Variants in BIRC6 observed in about 807,000 individuals in gnomAD.
The protein encoded by BIRC6 is dual E2 ubiquitin-conjugating enzyme/E3 ubiquitin-protein ligase BIRC6.
In BIRC6, 98 loss-of-function variants were observed where a neutral mutation model predicts 503.3. The observed-to-expected ratio is 0.19, with a 90% CI of 0.17 to 0.23. The LOEUF (loss-of-function observed/expected upper bound fraction) is 0.23, where lower values mean the gene tolerates loss of function less well. BIRC6 is among the 10% of genes least tolerant of loss of function. The pLI is 1.00. For missense variants in BIRC6, 5,360 were observed against 5,806.0 expected, an observed-to-expected ratio of 0.92 and a Z score of 2.50; for synonymous variants, 2,240 against 2,078.7, an observed-to-expected ratio of 1.08 and a Z score of -2.11.
chr2:32,616,638 T>A (rs2063264530), intron 73 of BIRC6, among the ~76,000 whole-genome samples: 1 of 151,580 alleles, frequency 6.6e-6, no homozygotes. Flanking sequence ...AGTGGGAAAA[T>A]TAGTGTGAAC....
At chr2:32,428,544 AT>A (rs2147899669) in intron 10 of BIRC6, among the ~76,000 whole-genome samples, 1 of 152,226 alleles carries the variant, frequency 6.6e-6, no homozygotes, top group African/African-American at 2.4e-5. Context: ...CAGGAAGGGG[AT>A]TTATCATCTT....
chr2:32,448,795 A>G lies in BIRC6; in HGVS notation c.4485A>G (p.Arg1495=). 2 of 1,592,166 alleles carry G rather than the reference A, an allele frequency of 1.3e-6. No individual in the cohort carries two copies. The highest frequency in any genetic ancestry group is 1.7e-6 in the Non-Finnish European group (2 of 1,174,246). The change falls in exon 22 of 74, where the codon AGA becomes AGG. Residue 1495 remains arginine (R), a splice_region_variant and synonymous_variant. Coordinates refer to ENST00000421745, the MANE Select transcript of BIRC6 (RefSeq NM_016252.4). ...LTPMEALLQT[R]YGLYSSPFDP... ...GTTAGTGCATTATTTTATTTTTCAGATATGGATTATATAGCTCACCATTTG... is the reference window on the plus strand; with the variant it reads ...GTTAGTGCATTATTTTATTTTTCAGGTATGGATTATATAGCTCACCATTTG...
chr2:32,599,652 G>T, intron 69 of BIRC6, 87 bp from the exon 70 acceptor site: 1 of 1,403,932 alleles, frequency 7.1e-7, no homozygotes, highest in Non-Finnish European at 9.8e-7. Flanking sequence ...AACGAAGGTT[G>T]TTCTTATTTC....
intron 12 of BIRC6, among the ~76,000 whole-genome samples, chr2:32,433,017 T>C (rs755732575): frequency 6.6e-6 from 1 of 152,134 alleles, no homozygotes; most frequent in Non-Finnish European, 1.5e-5. Flanking sequence ...AGATTCTGGA[T>C]ATAATTTGGA....
intron 1 of BIRC6, among the ~76,000 whole-genome samples, chr2:32,365,926 C>T (rs942427481): frequency 1.3e-5 from 2 of 150,938 alleles, no homozygotes; most frequent in Admixed American, 6.6e-5. Flanking sequence ...GCTCTGTTGC[C>T]CAGGCTGGAG....
chr2:32,446,965 T>C (rs575838711), intron 21 of BIRC6, among the ~76,000 whole-genome samples: 1 of 108,472 alleles, frequency 9.2e-6, no homozygotes, highest in Admixed American at 9.9e-5. Context: ...TTAACGAGCA[T>C]GCTGCCTTCA....
At chr2:32,447,413 G>A (rs1292847555) in intron 21 of BIRC6, among the ~76,000 whole-genome samples, 12 of 148,960 alleles carry the variant, frequency 8.1e-5, no homozygotes, top group Admixed American at 2.0e-4. Context: ...CGGACGGGGC[G>A]GCTGGCCGGG....
intron 20 of BIRC6, among the ~76,000 whole-genome samples, chr2:32,444,646 G>T (rs1288025580): frequency 6.6e-6 from 1 of 152,116 alleles, no homozygotes; most frequent in African/African-American, 2.4e-5. Flanking sequence ...AGCACTTCGG[G>T]AGGCCATGGA....
chr2:32,609,480 C>T (rs2062707178), intron 72 of BIRC6, among the ~76,000 whole-genome samples: 2 of 152,002 alleles, frequency 1.3e-5, no homozygotes, highest in Admixed American at 1.3e-4. Context: ...TTAAATTGTG[C>T]TGGAAAGTTA....
rs2061928313 is a variant in BIRC6, at chr2:32,599,728, T to C, written c.13831-11T>C. ...GTTAACATAGACTTTTGTATGTTTATATATATCCAGGTTCTAATAACTGGT... is the reference window on the plus strand; with the variant it reads ...GTTAACATAGACTTTTGTATGTTTACATATATCCAGGTTCTAATAACTGGT... On this transcript the variant is annotated splice_polypyrimidine_tract_variant and intron_variant, in intron 69 of 73. Transcript: ENST00000421745. 7 of 1,609,984 alleles carry C rather than the reference T, an allele frequency of 4.3e-6. No individual in the cohort carries two copies. Among genetic ancestry groups the C allele is most frequent in the Non-Finnish European group, 5.9e-6 (7 of 1,176,484 alleles).
At chr2:32,421,536 T>G (rs796414538) in intron 10 of BIRC6, among the ~76,000 whole-genome samples, 12 of 152,312 alleles carry the variant, frequency 7.9e-5, no homozygotes, top group African/African-American at 2.9e-4. Context: ...TGTTTTTCCT[T>G]TTTTTCATTT....
At position 32,469,604 on chromosome 2, in the gene BIRC6, C is replaced by A; in HGVS notation, c.6337C>A (p.Pro2113Thr). Residue 2113 changes from proline (P) to threonine (T), a missense_variant, in exon 30 of 74, where the codon CCA (proline) becomes ACA (threonine). By Grantham distance (38) the Pro-to-Thr change is conservative. Transcript: ENST00000421745. Reference sequence around the variant, plus strand: ...CAATTCGGAACAGCTTCTCATCTTTCCACAGGATAGGTAGGTCAGAAAATG... The same window carrying A: ...CAATTCGGAACAGCTTCTCATCTTTACACAGGATAGGTAGGTCAGAAAATG... The part of the protein sequence containing the change: ...LYNSEQLLIF[P>T]QDRVFMLLSC... The A allele has an allele frequency of 6.2e-7, 1 of 1,612,018 alleles. No individual in the cohort carries two copies. Among genetic ancestry groups the A allele is most frequent in the Non-Finnish European group, 8.5e-7 (1 of 1,178,422 alleles).
intron 71 of BIRC6, among the ~76,000 whole-genome samples, chr2:32,606,317 A>G (rs1389211157): frequency 1.3e-5 from 2 of 152,092 alleles, no homozygotes; most frequent in Non-Finnish European, 1.5e-5. Context: ...GCCGGGTATG[A>G]TGGCTCAGAC....
At position 32,478,687 on chromosome 2, in the gene BIRC6, T is replaced by C; in HGVS notation, c.7121T>C (p.Ile2374Thr). The change falls in exon 36 of 74, where the codon ATT (isoleucine) becomes ACT (threonine). Residue 2374 changes from isoleucine to threonine, a missense_variant. Ile to Thr is a moderately conservative substitution (Grantham distance 89). Coordinates refer to ENST00000421745, the MANE Select transcript of BIRC6 (RefSeq NM_016252.4). ...AGGCCAACTATTCATCTGTGTGAGA[T>C]TGTGAACGAACCCCAGCTGGAAAGA... Reference protein sequence around the residue: ...ATRPTIHLCEIVNEPQLERLL... With the variant: ...ATRPTIHLCETVNEPQLERLL... The C allele has an allele frequency of 1.2e-6, 2 of 1,613,968 alleles. No homozygotes were observed. Among genetic ancestry groups the C allele is most frequent in the Non-Finnish European group, 1.7e-6 (2 of 1,179,864 alleles).
chr2:32,464,357 C>T (rs1455952598), intron 24 of BIRC6, among the ~76,000 whole-genome samples, 152 bp from the exon 25 acceptor site: 2 of 152,156 alleles, frequency 1.3e-5, no homozygotes, highest in Admixed American at 6.5e-5. Context: ...AGCAATGATC[C>T]ATTTATATCG....
intron 37 of BIRC6, 77 bp downstream of exon 37, chr2:32,479,694 A>C: frequency 7.7e-7 from 1 of 1,293,526 alleles, no homozygotes; most frequent in Admixed American, 2.6e-5. Context: ...TTAGAGAAAA[A>C]TAAAGTTGAT....
chr2:32,513,699 A>T (rs953452336), intron 54 of BIRC6, among the ~76,000 whole-genome samples: 1 of 152,200 alleles, frequency 6.6e-6, no homozygotes, highest in Non-Finnish European at 1.5e-5. Context: ...TCACGAGGTC[A>T]GGAGTTCGAG....
At chr2:32,403,988 C>T (rs1388237500) in intron 8 of BIRC6, among the ~76,000 whole-genome samples, 9 of 147,408 alleles carry the variant, frequency 6.1e-5, no homozygotes, top group East Asian at 4.0e-4. Flanking sequence ...AGTGCAGTGG[C>T]GCAATCTTGG....
Position 32,477,411 on chromosome 2 carries a change from C to T in BIRC6, c.6896C>T (p.Ser2299Phe). ...CGTTTACGTCGGACAGCAGAATGGT[C>T]CCGTTCTAATTTAGACACAGAAGTT... ...LIRLRRTAEW[S>F]RSNLDTEVTT... is the part of the protein sequence containing the mutation. The change falls in exon 35 of 74, where the codon TCC becomes TTC. Residue 2299 changes from serine to phenylalanine, a missense_variant. Around this residue, in one of 16 missense-constraint regions of BIRC6, gnomAD observed 2,299 missense variants for 2,267.2 expected, o/e 1.01. Transcript: ENST00000421745. 6.2e-7 allele frequency: 1 copy of T among 1,613,838 alleles called. No homozygotes were observed. Among genetic ancestry groups the T allele is most frequent in the Non-Finnish European group, 8.5e-7 (1 of 1,179,864 alleles).
Sources: allele counts gnomAD v4.1 joint callset (sites outside exome capture counted in the v4.1 genomes callset), GRCh38; gene constraint gnomAD v4.1.1; regional missense constraint gnomAD v4.1.1; transcripts MANE v1.5; gene names NCBI Gene and HGNC (gene_info 2026-07-23, HGNC 2026-07-21).